Variants in NMT2 observed in about 807,000 individuals in gnomAD.
The protein encoded by NMT2 is glycylpeptide N-tetradecanoyltransferase 2.
Under a neutral mutation model 65.4 loss-of-function variants are expected in NMT2, and 35 were observed. The ratio of observed to expected loss-of-function variants is 0.54; its 90% CI spans 0.41 to 0.71. NMT2 has a LOEUF of 0.71. Ranked by LOEUF, NMT2 falls within the 30% of genes least tolerant of loss-of-function variation. NMT2 has a pLI of 0.00. For missense variants in NMT2, 489 were observed against 611.3 expected, an observed-to-expected ratio of 0.80 and a Z score of 2.11; for synonymous variants, 226 against 231.8, an observed-to-expected ratio of 0.98 and a Z score of 0.23.
chr10:15,121,425 T>C (rs1160666706), intron 8 of NMT2, among the ~76,000 whole-genome samples: 1 of 152,178 alleles, frequency 6.6e-6, no homozygotes, highest in Non-Finnish European at 1.5e-5. Context: ...TGGAGTGCAA[T>C]GGTGCGATCT....
chr10:15,164,274 C>A (rs1318665712), intron 1 of NMT2, among the ~76,000 whole-genome samples: 1 of 148,694 alleles, frequency 6.7e-6, no homozygotes, highest in African/African-American at 2.5e-5. Context: ...CAAAAACATA[C>A]TCACCTATGT....
At chr10:15,168,331 T>A (rs2131656428) in intron 1 of NMT2, 172 bp downstream of exon 1, 2 of 334,774 alleles carry the variant, frequency 6.0e-6, no homozygotes, top group East Asian at 1.6e-4. Flanking sequence ...CACTGCACTC[T>A]CCCGCGAGCC....
At chr10:15,135,194 T>TGTG in intron 3 of NMT2, 80 bp downstream of exon 3, 1 of 840,968 alleles carries the variant, frequency 1.2e-6, no homozygotes, top group Non-Finnish European at 1.7e-6. Flanking sequence ...CTTTGTGTTT[T>TGTG]GTTGTTGTTG....
chr10:15,132,675 G>T, intron 6 of NMT2, 142 bp downstream of exon 6: 1 of 548,362 alleles, frequency 1.8e-6, no homozygotes, highest in Non-Finnish European at 3.3e-6. Context: ...TGATCTATCT[G>T]CCTCAGCCTC....
intron 10 of NMT2, 51 bp downstream of exon 10, chr10:15,112,745 G>A: frequency 4.6e-6 from 7 of 1,534,094 alleles, no homozygotes; most frequent in Non-Finnish European, 6.2e-6. Context: ...TCTATAGTTT[G>A]GCACAGACAT....
chr10:15,146,170 T>G (rs1846957222), intron 1 of NMT2, among the ~76,000 whole-genome samples: 1 of 152,190 alleles, frequency 6.6e-6, no homozygotes. Context: ...TTGCCACCTC[T>G]GAAAGCCCGC....
In NMT2 at chr10:15,168,641, C is replaced by A. The variant is rs200198589; in HGVS notation, c.-29G>T. 4.5e-6 allele frequency: 7 copies of A among 1,548,810 alleles called. No individual in the cohort carries two copies. Among genetic ancestry groups the A allele is most frequent in the South Asian group, 3.4e-5 (3 of 87,400 alleles). ...GGCGGCGCTGGCTGGGGAGGCGGTG[C>A]TCGGGGCCGGGCCGGAGCGGCCGCA... On this transcript the variant is annotated 5_prime_UTR_variant, in exon 1 of 12. Transcript: ENST00000378165.
chr10:15,153,421 C>T (rs1832873107), intron 1 of NMT2, among the ~76,000 whole-genome samples: 1 of 152,232 alleles, frequency 6.6e-6, no homozygotes, highest in Non-Finnish European at 1.5e-5. Context: ...TCCTTGCCAC[C>T]ACTGGAAGGA....
intron 2 of NMT2, among the ~76,000 whole-genome samples, chr10:15,139,425 G>C (rs1846649171): frequency 6.6e-6 from 1 of 152,164 alleles, no homozygotes. Flanking sequence ...AGAGGGGAAA[G>C]GCTCACAGTC....
intron 10 of NMT2, among the ~76,000 whole-genome samples, chr10:15,112,174 T>TTATATATTTATA (rs1845542688): frequency 3.5e-5 from 1 of 28,874 alleles, no homozygotes; most frequent in Non-Finnish European, 6.4e-5. Context: ...GATATGGGCT[T>TTATATATTTATA]TATATATATA....
chr10:15,159,643 C>T (rs1178007267), intron 1 of NMT2, among the ~76,000 whole-genome samples: 4 of 152,218 alleles, frequency 2.6e-5, no homozygotes, highest in Admixed American at 2.6e-4. Context: ...GCCCAGGCTG[C>T]TCTCGAACTA....
At chr10:15,120,011 A>C (rs531235469) in intron 8 of NMT2, among the ~76,000 whole-genome samples, 1 of 152,156 alleles carries the variant, frequency 6.6e-6, no homozygotes, top group Admixed American at 6.5e-5. Flanking sequence ...CTTAGACGAA[A>C]AATATTCGGG....
intron 1 of NMT2, among the ~76,000 whole-genome samples, chr10:15,155,841 G>T (rs1285375826): frequency 6.6e-6 from 1 of 152,026 alleles, no homozygotes; most frequent in African/African-American, 2.4e-5. Context: ...TAAAGTAAGG[G>T]TCACTTGACC....
chr10:15,123,161 C>T (rs548381693), intron 8 of NMT2, among the ~76,000 whole-genome samples: 1 of 152,154 alleles, frequency 6.6e-6, no homozygotes, highest in South Asian at 2.1e-4. Flanking sequence ...TAAGAGCACA[C>T]CAGGATGTAC....
At chr10:15,134,186 C>G (rs1369020834) in intron 3 of NMT2, among the ~76,000 whole-genome samples, 3 of 152,192 alleles carry the variant, frequency 2.0e-5, no homozygotes, top group Non-Finnish European at 2.9e-5. Context: ...TTCAGGCCAT[C>G]ACAATTTCTA....
chr10:15,127,571 T>A (rs9733723), intron 8 of NMT2, among the ~76,000 whole-genome samples: 41,325 of 73,454 alleles, frequency 0.56, 11,855 homozygotes, highest in East Asian at 0.66. Context: ...AAAAAAAAAA[T>A]AAATAAATAA....
chr10:15,118,589 CA>C lies in NMT2; in HGVS notation c.1170+753del, dbSNP rs34019665. Among the ~76,000 whole-genome samples, 504 of 126,170 alleles carry C rather than the reference CA, an allele frequency of 4.0e-3. 1 individual carries two copies. The highest frequency in any genetic ancestry group is 0.011 in the African/African-American group (382 of 34,732). The allele number at this position is 126,170 out of a possible 152,430, so 82.8% of individuals were successfully genotyped here. On this transcript the variant is annotated intron_variant, in intron 9 of 11. Transcript: ENST00000378165. ...CATAAATCAGTAAGACAACTACGGT[CA>C]AAAAAAAAAAACAGGCAAGTGATGT...
At chr10:15,113,032 C>A in intron 9 of NMT2, 69 bp from the exon 10 acceptor site, 2 of 1,461,140 alleles carry the variant, frequency 1.4e-6, no homozygotes, top group South Asian at 2.3e-5. Context: ...TCCACTAACT[C>A]TGTTCTCTCC....
intron 9 of NMT2, among the ~76,000 whole-genome samples, chr10:15,114,331 T>C (rs1447845427): frequency 1.3e-5 from 2 of 152,170 alleles, no homozygotes; most frequent in Admixed American, 6.5e-5. Context: ...GCTGGTAAAA[T>C]TACTGTTTCC....
Sources: gnomAD v4.1 joint callset for allele counts (sites outside exome capture counted in the v4.1 genomes callset) on GRCh38, gnomAD v4.1.1 for gene constraint, MANE v1.5 for transcripts, NCBI Gene and HGNC (gene_info 2026-07-23, HGNC 2026-07-21) for gene names.